The following FRMPD4 variants were observed in gnomAD, a reference collection of about 807,000 sequenced individuals.
FRMPD4 encodes the protein FERM and PDZ domain containing 4, also known as FERM and PDZ domain-containing protein 4.
In FRMPD4, 22 loss-of-function variants were observed where a neutral mutation model predicts 94.1. That is an observed-to-expected ratio of 0.23 (90% CI 0.17 to 0.33). The LOEUF is 0.33. Among genes scored for constraint, FRMPD4 ranks in the 10% least tolerant of loss-of-function variants. The probability of loss-of-function intolerance (pLI) is 1.00; values close to 1 mark genes in which losing one functional copy is unlikely to be tolerated. For missense variants in FRMPD4, 1,111 were observed against 1,339.9 expected (o/e 0.83, Z 2.67); for synonymous variants, 631 against 548.6 (o/e 1.15, Z -2.10).
At chrX:12,358,000 G>A (rs1396611200) in intron 1 of FRMPD4, among the ~76,000 whole-genome samples, 9 of 111,723 alleles carry the variant, frequency 8.1e-5, no homozygotes, top group Admixed American at 3.8e-4. Flanking sequence ...ATGCTCTTTC[G>A]TGATTGCCTT....
intron 1 of FRMPD4, among the ~76,000 whole-genome samples, chrX:12,433,666 A>G (rs1265484765): frequency 8.9e-6 from 1 of 112,409 alleles, no homozygotes; most frequent in African/African-American, 3.2e-5. Flanking sequence ...CTGCCCCCAG[A>G]TAACTTACAG....
chrX:12,459,911 TAAC>T (rs1174839056), intron 1 of FRMPD4, among the ~76,000 whole-genome samples: 2 of 111,826 alleles, frequency 1.8e-5, no homozygotes, highest in South Asian at 3.7e-4. Context: ...CTATCCCCAC[TAAC>T]AATATATGAG....
chrX:11,909,773 A>AT (rs1036091677), intron 3 of FRMPD4, among the ~76,000 whole-genome samples: 12 of 110,182 alleles, frequency 1.1e-4, no homozygotes, highest in Admixed American at 1.1e-3. Context: ...ATCCATTGTG[A>AT]TTTTTTCTTC....
intron 3 of FRMPD4, among the ~76,000 whole-genome samples, chrX:12,082,851 G>A (rs1440977837): frequency 8.9e-6 from 1 of 111,817 alleles, no homozygotes; most frequent in African/African-American, 3.3e-5. Flanking sequence ...CTTTGAAATT[G>A]AGAGAGATGA....
At chrX:12,222,793 TC>T (rs1276088958) in intron 1 of FRMPD4, among the ~76,000 whole-genome samples, 4 of 112,421 alleles carry the variant, frequency 3.6e-5, no homozygotes, top group Non-Finnish European at 7.5e-5. Context: ...TTCTTGATGT[TC>T]AGTTATGTTG....
chrX:12,286,543 A>T (rs752544655), intron 1 of FRMPD4, among the ~76,000 whole-genome samples: 3 of 112,265 alleles, frequency 2.7e-5, no homozygotes, highest in African/African-American at 9.7e-5. Context: ...AGTAAGCCCC[A>T]TGTACTGCCA....
intron 3 of FRMPD4, among the ~76,000 whole-genome samples, chrX:12,105,638 A>G (rs1187355986): frequency 8.9e-6 from 1 of 112,708 alleles, no homozygotes; most frequent in Non-Finnish European, 1.9e-5. Flanking sequence ...ATACAGGCTC[A>G]AATGAAAAAG....
intron 3 of FRMPD4, among the ~76,000 whole-genome samples, chrX:12,048,355 C>T (rs2054797730): frequency 9.0e-6 from 1 of 111,283 alleles, no homozygotes; most frequent in African/African-American, 3.3e-5. Flanking sequence ...TTGCTTGTTG[C>T]ATTGTTTAAG....
chrX:11,967,756 G>GTGTGTGTGT (rs36019385), intron 3 of FRMPD4, among the ~76,000 whole-genome samples: 1 of 65,558 alleles, frequency 1.5e-5, no homozygotes, highest in Non-Finnish European at 2.8e-5. Flanking sequence ...GTGTGTGTGT[G>GTGTGTGTGT]TTTTTTTTTT....
chrX:12,602,531 A>C (rs1049371349), intron 2 of FRMPD4, among the ~76,000 whole-genome samples: 4 of 112,085 alleles, frequency 3.6e-5, no homozygotes, highest in African/African-American at 1.3e-4. Context: ...AAGTTGGTGG[A>C]GAAAATCCTT....
intron 1 of FRMPD4, among the ~76,000 whole-genome samples, chrX:12,439,563 G>T (rs2057111299): frequency 8.9e-6 from 1 of 111,821 alleles, no homozygotes; most frequent in Non-Finnish European, 1.9e-5. Flanking sequence ...AGCCCGTGGT[G>T]TTGTGCTGTC....
intron 1 of FRMPD4, among the ~76,000 whole-genome samples, chrX:12,288,776 GTT>G (rs917415501): frequency 8.9e-6 from 1 of 112,019 alleles, no homozygotes; most frequent in Non-Finnish European, 1.9e-5. Flanking sequence ...AAAAGCGTTA[GTT>G]TCTAACAGGA....
At chrX:12,203,812 G>T (rs933006006) in intron 1 of FRMPD4, among the ~76,000 whole-genome samples, 3 of 111,898 alleles carry the variant, frequency 2.7e-5, no homozygotes, top group Non-Finnish European at 3.8e-5. Flanking sequence ...CAAGAACAAA[G>T]ATTTGATTTA....
chrX:11,957,150 A>T (rs751398751), intron 3 of FRMPD4, among the ~76,000 whole-genome samples: 2 of 112,265 alleles, frequency 1.8e-5, no homozygotes, highest in East Asian at 5.5e-4. Context: ...ATAACTTTTA[A>T]CAAAAGGTAA....
chrX:12,234,623 C>T (rs1171781302), intron 1 of FRMPD4, among the ~76,000 whole-genome samples: 1 of 111,524 alleles, frequency 9.0e-6, no homozygotes, highest in African/African-American at 3.3e-5. Flanking sequence ...AGGAATGATG[C>T]CAACCACCTC....
chrX:12,370,166 T>G (rs1474828314), intron 1 of FRMPD4, among the ~76,000 whole-genome samples: 1 of 111,714 alleles, frequency 9.0e-6, no homozygotes, highest in East Asian at 2.8e-4. Flanking sequence ...AATTGGTCAC[T>G]TCATTTAAAG....
At chrX:12,607,348 A>G (rs5978556) in intron 2 of FRMPD4, among the ~76,000 whole-genome samples, 25,117 of 110,449 alleles carry the variant, frequency 0.23, 4,274 homozygotes, top group African/African-American at 0.59. Context: ...AGTGCCACCA[A>G]TCTCAGCCTG....
At chrX:12,120,187 G>T (rs1233639195) in intron 3 of FRMPD4, among the ~76,000 whole-genome samples, 1 of 112,086 alleles carries the variant, frequency 8.9e-6, no homozygotes, top group African/African-American at 3.2e-5. Context: ...CTATGTAAGA[G>T]AAGAGAGGAA....
chrX:12,381,166 C>G (rs1196241071), intron 1 of FRMPD4, among the ~76,000 whole-genome samples: 1 of 112,241 alleles, frequency 8.9e-6, no homozygotes, highest in Admixed American at 9.4e-5. Flanking sequence ...GAAAGACATG[C>G]CTGTGGGCTG....
Sources: allele counts gnomAD v4.1 joint callset (sites outside exome capture counted in the v4.1 genomes callset), GRCh38; gene constraint gnomAD v4.1.1; transcripts MANE v1.5; gene names NCBI Gene and HGNC (gene_info 2026-07-23, HGNC 2026-07-21).